The following UNK variants were observed in gnomAD, a reference collection of about 807,000 sequenced individuals.
UNK encodes the protein unk zinc finger.
UNK carries 32 observed loss-of-function variants against 97.6 expected under a neutral mutation model. The observed-to-expected ratio is 0.33, with a 90% CI of 0.25 to 0.44. UNK has a LOEUF of 0.44. UNK is among the 20% of genes least tolerant of loss of function. UNK has a pLI of 1.00. For missense variants in UNK, 771 were observed against 1,098.4 expected, an observed-to-expected ratio of 0.70 and a Z score of 4.21; for synonymous variants, 441 against 461.2, an observed-to-expected ratio of 0.96 and a Z score of 0.56.
At position 75,784,957 on chromosome 17, in the gene UNK, C is replaced by G; in HGVS notation, c.77C>G (p.Ala26Gly). The G allele has an allele frequency of 1.3e-6, 2 of 1,531,260 alleles. No individual in the cohort carries two copies. The highest frequency in any genetic ancestry group is 8.8e-7 in the Non-Finnish European group (1 of 1,142,554). The allele number at this position is 1,531,260 out of a possible 1,614,324, so 94.9% of individuals were successfully genotyped here. A position where few individuals can be genotyped will look rare whatever the true frequency, so the allele number is the denominator to read the frequency against. ...PPAATAQVLQAQPEKPQHYTY... is the reference protein window; with the variant it reads ...PPAATAQVLQGQPEKPQHYTY... ...GCCGCTACCGCTCAGGTGCTGCAGG[C>G]ACAGCCCGAGAAACCGCAGCACTAC... The change falls in exon 1 of 16, where the codon GCA becomes GGA. Residue 26 changes from alanine (A) to glycine (G), a missense_variant. Transcript: ENST00000589666.
At chr17:75,813,675 C>T in intron 5 of UNK, 86 bp from the exon 6 acceptor site, 1 of 1,169,596 alleles carries the variant, frequency 8.5e-7, no homozygotes, top group Non-Finnish European at 1.2e-6. Flanking sequence ...GTGCTCATGC[C>T]TATGAGGCTG....
At chr17:75,804,300 C>A (rs1056584107) in intron 1 of UNK, among the ~76,000 whole-genome samples, 2 of 151,444 alleles carry the variant, frequency 1.3e-5, no homozygotes, top group African/African-American at 4.9e-5. Context: ...CCAAAAAATA[C>A]AAAAATTAGC....
At chr17:75,811,743 C>CT (rs2061970988) in intron 2 of UNK, among the ~76,000 whole-genome samples, 1 of 152,178 alleles carries the variant, frequency 6.6e-6, no homozygotes, top group South Asian at 2.1e-4. Context: ...AATCCTAGCA[C>CT]TTTGGGAGGT....
intron 1 of UNK, among the ~76,000 whole-genome samples, chr17:75,787,823 CAAAAA>C (rs534233194): frequency 1.8e-5 from 2 of 111,690 alleles, no homozygotes; most frequent in Non-Finnish European, 1.9e-5. Context: ...AGACTCGGTC[CAAAAA>C]AAAAAAAAAA....
At position 75,817,361 on chromosome 17, in the gene UNK, T is replaced by C; in HGVS notation, c.1140T>C (p.Ser380=). 1 of 1,608,086 alleles carries C rather than the reference T, an allele frequency of 6.2e-7. No homozygotes were observed. Among genetic ancestry groups the C allele is most frequent in the Non-Finnish European group, 8.5e-7 (1 of 1,176,698 alleles). The change falls in exon 9 of 16, where the codon TCT becomes TCC. Residue 380 remains serine, a synonymous_variant. Coordinates refer to ENST00000589666, the MANE Select transcript of UNK (RefSeq NM_001080419.3). This position sits in a 1 kb window ranked among gnomAD's most constrained non-coding sequence, Gnocchi z 5.8. ...LCRNSSLGSP[S]NLCGSPPGSI... ...GAAACAGCAGCCTAGGCAGCCCGTC[T>C]AACCTCTGCGGCTCCCCACCGGGCT...
At chr17:75,805,552 T>C (rs905023082) in intron 1 of UNK, among the ~76,000 whole-genome samples, 1 of 151,968 alleles carries the variant, frequency 6.6e-6, no homozygotes, top group African/African-American at 2.4e-5. Flanking sequence ...CCCAGCACTT[T>C]GGGAGGTCAA....
At chr17:75,796,862 A>G (rs1353855634) in intron 1 of UNK, among the ~76,000 whole-genome samples, 1 of 152,244 alleles carries the variant, frequency 6.6e-6, no homozygotes, top group Non-Finnish European at 1.5e-5. Context: ...ATATGCTCTT[A>G]CAATATTCTC....
intron 4 of UNK, among the ~76,000 whole-genome samples, chr17:75,812,846 G>A (rs1367722194): frequency 1.3e-5 from 2 of 152,266 alleles, no homozygotes; most frequent in African/African-American, 4.8e-5. Flanking sequence ...CTGCAAGAGT[G>A]CCCTTTCACC....
chr17:75,818,136 A>T lies in UNK; in HGVS notation c.1339A>T (p.Ser447Cys). The T allele has an allele frequency of 6.2e-7, 1 of 1,613,476 alleles. No individual in the cohort carries two copies. Among genetic ancestry groups the T allele is most frequent in the African/African-American group, 1.3e-5 (1 of 75,002 alleles). ...KLKPHSLEPR[S>C]QEQPLLQPKQ... ...AAAACCCCACTCATTAGAGCCCAGG[A>T]GTCAAGAGCAGCCTCTGCTTCAGCC... The change falls in exon 10 of 16, where the codon AGT becomes TGT. Residue 447 changes from serine to cysteine, a missense_variant. By Grantham distance (112) the Ser-to-Cys change is moderately radical (BLOSUM62 -1). Transcript: ENST00000589666. This position sits in a 1 kb window ranked among gnomAD's most constrained non-coding sequence, Gnocchi z 5.1.
At position 75,824,313 on chromosome 17, in the gene UNK, C is replaced by T. The variant is rs1436365916; in HGVS notation, c.2329C>T (p.Arg777Trp). The T allele has an allele frequency of 1.9e-6, 3 of 1,604,840 alleles. No individual in the cohort carries two copies. The highest frequency in any genetic ancestry group is 2.3e-5 in the East Asian group (1 of 43,872). Residue 777 changes from arginine to tryptophan, a missense_variant, in exon 16 of 16, where the codon CGG (arginine) becomes TGG (tryptophan). Transcript: ENST00000589666. The surrounding 1 kb of genome is among the most constrained non-coding windows in gnomAD (Gnocchi z 4.9). ...ATGCCTTAAGTGTCAGGAACAGAAG[C>T]GGGCAGTGCTGCCGTGCCAACACGC... is the stretch of plus-strand genomic sequence containing the variant. Reference protein sequence around the residue: ...VKCLKCQEQKRAVLPCQHAAL... With the variant: ...VKCLKCQEQKWAVLPCQHAAL...
intron 1 of UNK, 141 bp downstream of exon 1, chr17:75,785,125 T>A: frequency 1.8e-6 from 1 of 552,670 alleles, no homozygotes; most frequent in Non-Finnish European, 3.1e-6. Flanking sequence ...GGTTCCAACC[T>A]GCTGGGGCCG....
At chr17:75,801,418 C>T (rs566514193) in intron 1 of UNK, among the ~76,000 whole-genome samples, 2 of 152,002 alleles carry the variant, frequency 1.3e-5, no homozygotes, top group Non-Finnish European at 2.9e-5. Context: ...TTTGGGAGAC[C>T]GAGGCAGGAG....
Position 75,816,721 on chromosome 17 carries a change from G to T in UNK, c.962-49G>T, listed in dbSNP as rs778046085. ...GAAGGGACCCAGGAGCATTTTTGGAGGGACAGAGCTGGCTGGGGCCTGCTG... is the reference window on the plus strand; with the variant it reads ...GAAGGGACCCAGGAGCATTTTTGGATGGACAGAGCTGGCTGGGGCCTGCTG... On this transcript the variant is annotated intron_variant, in intron 7 of 15. Transcript: ENST00000589666. The surrounding 1 kb of genome is among the most constrained non-coding windows in gnomAD (Gnocchi z 4.0). 14 of 1,547,546 alleles carry T rather than the reference G, an allele frequency of 9.0e-6. No homozygotes were observed. The Middle Eastern group carries it at 7.1e-4, about 79-fold the overall frequency.
At chr17:75,787,508 T>C (rs571846093) in intron 1 of UNK, among the ~76,000 whole-genome samples, 2 of 127,628 alleles carry the variant, frequency 1.6e-5, no homozygotes, top group South Asian at 2.7e-4. Flanking sequence ...CACACCCAGC[T>C]TTTTTTTTTT....
intron 1 of UNK, among the ~76,000 whole-genome samples, chr17:75,809,411 A>T (rs1004315368): frequency 6.6e-6 from 1 of 152,164 alleles, no homozygotes; most frequent in Non-Finnish European, 1.5e-5. Flanking sequence ...TCATGCTCTT[A>T]TTTGCAGCCC....
chr17:75,806,760 G>A (rs756948173), intron 1 of UNK, among the ~76,000 whole-genome samples: 3 of 152,184 alleles, frequency 2.0e-5, no homozygotes, highest in African/African-American at 7.2e-5. Context: ...GCAACAGTGT[G>A]AGACTCCGTC....
chr17:75,807,404 AC>A (rs1452106431), intron 1 of UNK, among the ~76,000 whole-genome samples: 5 of 152,222 alleles, frequency 3.3e-5, no homozygotes. Flanking sequence ...TCTCTTAAAA[AC>A]AAAACAGGAT....
rs956668547 is a variant in UNK at position 75,785,190 on chromosome 17, C to T, written c.104+206C>T. ...TCTGGTCGGGCTGTGGGGCGGGAAA[C>T]TCGGTCCCGGCCGCCGAGTGGGGAA... is the stretch of plus-strand genomic sequence containing the variant. On this transcript the variant is annotated intron_variant, in intron 1 of 15. Coordinates refer to ENST00000589666, the MANE Select transcript of UNK (RefSeq NM_001080419.3). 1.4e-5 allele frequency: 7 copies of T among 512,066 alleles called. No individual in the cohort carries two copies. In the Admixed American group the frequency reaches 2.8e-4, roughly 21 times the overall value. 31.7% of individuals were successfully genotyped at this position (512,066 alleles called of 1,614,324 possible).
At chr17:75,820,323 C>T (rs28404846) in intron 13 of UNK, among the ~76,000 whole-genome samples, 4,878 of 152,314 alleles carry the variant, frequency 0.032, 269 homozygotes, top group East Asian at 0.28. Context: ...ATGGGTATAA[C>T]GGCAGCATCC....
Sources: gnomAD v4.1 joint callset for allele counts (sites outside exome capture counted in the v4.1 genomes callset) on GRCh38, gnomAD v4.1.1 for gene constraint, Gnocchi (gnomAD v3.1) non-coding constraint, MANE v1.5 for transcripts, NCBI Gene and HGNC (gene_info 2026-07-23, HGNC 2026-07-21) for gene names.